PPP1R9A: variants seen among roughly 807,000 people sequenced by gnomAD.
PPP1R9A encodes the protein protein phosphatase 1 regulatory subunit 9A, also known as neurabin-1.
PPP1R9A carries 59 observed loss-of-function variants against 141.9 expected under a neutral mutation model. That is an observed-to-expected ratio of 0.42 (90% CI 0.34 to 0.52). The LOEUF is 0.52. PPP1R9A is among the 20% of genes least tolerant of loss of function. PPP1R9A has a pLI of 0.10. For missense variants in PPP1R9A, 1,444 were observed against 1,611.9 expected (o/e 0.90, Z 1.78); for synonymous variants, 500 against 569.7 (o/e 0.88, Z 1.74).
intron 5 of PPP1R9A, among the ~76,000 whole-genome samples, chr7:95,167,372 G>A (rs944979410): frequency 7.2e-5 from 11 of 152,190 alleles, no homozygotes; most frequent in African/African-American, 2.6e-4. Flanking sequence ...TTTGGGTGGG[G>A]ACACAGCCAA....
chr7:95,185,202 T>C (rs148128105), intron 5 of PPP1R9A, among the ~76,000 whole-genome samples: 107 of 152,172 alleles, frequency 7.0e-4, no homozygotes, highest in Admixed American at 3.1e-3. Flanking sequence ...ATCTATGTTT[T>C]TTGTCTTTTA....
At chr7:95,247,002 G>A (rs1798210256) in intron 8 of PPP1R9A, among the ~76,000 whole-genome samples, 1 of 152,146 alleles carries the variant, frequency 6.6e-6, no homozygotes. Context: ...CTTTGCAGTG[G>A]AGCTGCTGAT....
chr7:95,178,844 GAA>G (rs1833289434), intron 5 of PPP1R9A, among the ~76,000 whole-genome samples: 1 of 151,988 alleles, frequency 6.6e-6, no homozygotes, highest in African/African-American at 2.4e-5. Context: ...TAGATACCCT[GAA>G]CACTCCAATA....
rs559390671 is a variant in PPP1R9A, at chr7:94,921,558, A to G, written c.1395+10050A>G. On this transcript the variant is annotated intron_variant, in intron 2 of 19. Transcript: ENST00000433360. ...CAAAATTGTTTTGTAAAGGAAGAGA[A>G]AGACATAAATTTGCACTTTTCATTG... Among the ~76,000 whole-genome samples the G allele has an allele frequency of 4.2e-4, 64 of 152,268 alleles. 1 individual carries two copies. Among genetic ancestry groups the G allele is most frequent in the African/African-American group, 1.5e-3 (63 of 41,554 alleles).
At chr7:95,173,345 G>A (rs1832422662) in intron 5 of PPP1R9A, among the ~76,000 whole-genome samples, 2 of 151,820 alleles carry the variant, frequency 1.3e-5, no homozygotes, top group South Asian at 4.1e-4. Flanking sequence ...CATTGTTAAG[G>A]TGATGAGTAT....
chr7:95,253,773 T>C (rs1799207276), intron 12 of PPP1R9A, among the ~76,000 whole-genome samples: 1 of 152,140 alleles, frequency 6.6e-6, no homozygotes, highest in Non-Finnish European at 1.5e-5. Flanking sequence ...ACTATAAGAT[T>C]GATATCTAAA....
At position 95,145,677 on chromosome 7, in the gene PPP1R9A, T is replaced by C. The variant is rs151170402; in HGVS notation, c.1650-16190T>C. On this transcript the variant is annotated intron_variant, in intron 4 of 19. Coordinates refer to ENST00000433360, the MANE Select transcript of PPP1R9A (RefSeq NM_001166160.2). ...TAATCTCACTGCTGTCAGGCCCTGGTGTGTGATGTTCCCCTCCCTGTGCCC... is the reference window on the plus strand; with the variant it reads ...TAATCTCACTGCTGTCAGGCCCTGGCGTGTGATGTTCCCCTCCCTGTGCCC... Among the ~76,000 whole-genome samples, 63 of 152,140 alleles carry C rather than the reference T, an allele frequency of 4.1e-4. 2 individuals carry two copies. In the East Asian group the frequency reaches 0.012, roughly 29 times the overall value.
chr7:95,158,265 A>C (rs1365322297), intron 4 of PPP1R9A, among the ~76,000 whole-genome samples: 1 of 152,358 alleles, frequency 6.6e-6, no homozygotes, highest in African/African-American at 2.4e-5. Context: ...CATTTGAAAA[A>C]AAATAAAATT....
chr7:95,247,967 T>G (rs1798348521), intron 9 of PPP1R9A, among the ~76,000 whole-genome samples: 1 of 151,846 alleles, frequency 6.6e-6, no homozygotes, highest in Non-Finnish European at 1.5e-5. Flanking sequence ...TAATTAAATC[T>G]TATAAACTTA....
rs539801669 is a variant in PPP1R9A, at chr7:95,237,305, C to G, written c.2113-10168C>G. ...CTGCCTCCTGGGTTCAAGTGATTCT[C>G]CTACTTCGGCCTCCCAAGTAGCTGG... On this transcript the variant is annotated intron_variant, in intron 8 of 19. Transcript: ENST00000433360. Among the ~76,000 whole-genome samples, 28 of 151,234 alleles carry G rather than the reference C, an allele frequency of 1.9e-4. No individual in the cohort carries two copies. The South Asian group carries it at 5.2e-3, about 28-fold the overall frequency.
intron 2 of PPP1R9A, among the ~76,000 whole-genome samples, chr7:94,919,108 G>C (rs1450598881): frequency 6.6e-6 from 1 of 152,094 alleles, no homozygotes; most frequent in Non-Finnish European, 1.5e-5. Context: ...CATGAAGCAT[G>C]AGTGTTTGAT....
In PPP1R9A at chr7:95,210,470, A is replaced by AT. The variant is rs941877242; in HGVS notation, c.1956+6753dup. 2.8e-3 allele frequency among the ~76,000 whole-genome samples: 414 copies of AT among 149,012 alleles called. 4 individuals carry two copies. Among genetic ancestry groups the AT allele is most frequent in the Admixed American group, 0.024 (362 of 14,918 alleles). On this transcript the variant is annotated intron_variant, in intron 7 of 19. Transcript: ENST00000433360. Reference sequence around the variant, plus strand: ...GGCAATGAAGGGTGTGTTCAAAAAAATTTTTTTTTTTTTGAGACAGAGTCT... The same window carrying AT: ...GGCAATGAAGGGTGTGTTCAAAAAAATTTTTTTTTTTTTTGAGACAGAGTCT...
At chr7:95,134,693 C>T (rs931625395) in intron 4 of PPP1R9A, among the ~76,000 whole-genome samples, 4 of 152,138 alleles carry the variant, frequency 2.6e-5, no homozygotes, top group Non-Finnish European at 5.9e-5. Flanking sequence ...CCTTGGCCCC[C>T]CAAAGTGTTG....
chr7:94,985,098 G>T (rs573448202), intron 2 of PPP1R9A, among the ~76,000 whole-genome samples: 4 of 152,146 alleles, frequency 2.6e-5, no homozygotes, highest in Non-Finnish European at 5.9e-5. Flanking sequence ...TTACCCAGTC[G>T]TCATTCAGGA....
chr7:94,975,356 GTTTTTT>G lies in PPP1R9A; in HGVS notation c.1395+63870_1395+63875del, dbSNP rs68186534. ...TCTGGACAGGCTGTAGTTTTTTTTT[GTTTTTT>G]TTTTTTTTTTTTTTTTTTTTTAAGG... is the stretch of plus-strand genomic sequence containing the variant. On this transcript the variant is annotated intron_variant, in intron 2 of 19. Transcript: ENST00000433360. 6.3e-4 allele frequency among the ~76,000 whole-genome samples: 76 copies of G among 120,750 alleles called. No individual in the cohort carries two copies. The East Asian group carries it at 0.019, about 30-fold the overall frequency. 79.2% of individuals were successfully genotyped at this position (120,750 alleles called of 152,430 possible).
At chr7:95,019,564 A>G (rs988719742) in intron 2 of PPP1R9A, among the ~76,000 whole-genome samples, 45 of 152,314 alleles carry the variant, frequency 3.0e-4, no homozygotes, top group African/African-American at 1.0e-3. Flanking sequence ...TAATAACAGG[A>G]CAATCCAATT....
intron 5 of PPP1R9A, among the ~76,000 whole-genome samples, chr7:95,195,599 T>C (rs929678768): frequency 4.6e-5 from 7 of 152,006 alleles, no homozygotes; most frequent in African/African-American, 1.7e-4. Context: ...AACAAAGTGA[T>C]AAATTAGACT....
At position 95,292,616 on chromosome 7, in the gene PPP1R9A, A is replaced by G. The variant is rs1034032264; in HGVS notation, c.*2313A>G. ...TATTGAATGTTTAGATAAATGTCCA[A>G]CTGACAATGTTATAAATCAAATTCT... On this transcript the variant is annotated 3_prime_UTR_variant, in exon 20 of 20. Coordinates refer to ENST00000433360, the MANE Select transcript of PPP1R9A (RefSeq NM_001166160.2). 6.6e-6 allele frequency: 1 copy of G among 152,206 alleles called. No homozygotes were observed. The highest frequency in any genetic ancestry group is 6.5e-5 in the Admixed American group (1 of 15,272). 9.4% of individuals were successfully genotyped at this position (152,206 alleles called of 1,614,324 possible). A position where few individuals can be genotyped will look rare whatever the true frequency, so the allele number is the denominator to read the frequency against.
chr7:94,988,223 A>G (rs890538577), intron 2 of PPP1R9A, among the ~76,000 whole-genome samples: 3 of 152,130 alleles, frequency 2.0e-5, no homozygotes, highest in Admixed American at 2.0e-4. Flanking sequence ...TGTGTATATT[A>G]CAATTCTGGA....
Sources: allele counts gnomAD v4.1 joint callset (sites outside exome capture counted in the v4.1 genomes callset), GRCh38; gene constraint gnomAD v4.1.1; transcripts MANE v1.5; gene names NCBI Gene and HGNC (gene_info 2026-07-23, HGNC 2026-07-21).